The following LAMA1 variants were observed in gnomAD, a reference collection of about 807,000 sequenced individuals.
LAMA1 encodes laminin subunit alpha 1.
Under a neutral mutation model 348.7 loss-of-function variants are expected in LAMA1, and 219 were observed. That is an observed-to-expected ratio of 0.63 (90% confidence interval 0.56 to 0.70). The LOEUF (loss-of-function observed/expected upper bound fraction) is 0.70, where lower values mean the gene tolerates loss of function less well. Ranked by LOEUF, LAMA1 falls within the 30% of genes least tolerant of loss-of-function variation. The pLI is 0.00. For missense variants in LAMA1, 3,744 were observed against 3,888.0 expected, an observed-to-expected ratio of 0.96 and a Z score of 0.99; for synonymous variants, 1,487 against 1,491.0, an observed-to-expected ratio of 1.00 and a Z score of 0.06.
chr18:6,956,646 C>G lies in LAMA1; in HGVS notation c.8084G>C (p.Arg2695Pro), dbSNP rs558634642. The change falls in exon 56 of 63, where the codon CGG becomes CCG. Residue 2695 changes from arginine (R) to proline (P), a missense_variant. Around this residue, in one of 3 missense-constraint regions of LAMA1, gnomAD observed 1,983 missense variants for 1,934.3 expected, o/e 1.03. Transcript: ENST00000389658. ...AEDSKLLPEP[R>P]AFPEQCVVDA... ...GGAAGCCGCTCCTACTGGAAAAGCC[C>G]GGGGCTCTGGCAAGAGCTTGCTGTC... The G allele has an allele frequency of 3.1e-6, 5 of 1,614,088 alleles. No individual in the cohort carries two copies. The highest frequency in any genetic ancestry group is 4.2e-6 in the Non-Finnish European group (5 of 1,180,022).
chr18:6,957,942 G>A (rs1600348711), intron 55 of LAMA1, among the ~76,000 whole-genome samples: 1 of 151,990 alleles, frequency 6.6e-6, no homozygotes, highest in East Asian at 1.9e-4. Flanking sequence ...CACCACACCC[G>A]GCTAATTTTT....
At chr18:7,000,505 C>T (rs1326517380) in intron 30 of LAMA1, among the ~76,000 whole-genome samples, 1 of 152,156 alleles carries the variant, frequency 6.6e-6, no homozygotes, top group Non-Finnish European at 1.5e-5. Flanking sequence ...AACGGATGCA[C>T]CTAAAGGCAG....
At chr18:6,980,703 T>G in intron 41 of LAMA1, 66 bp from the exon 42 acceptor site, 1 of 850,916 alleles carries the variant, frequency 1.2e-6, no homozygotes, top group Admixed American at 1.8e-5. Context: ...AGGCAACAGC[T>G]TTATCATTCT....
At chr18:7,103,622 T>C (rs62083501) in intron 1 of LAMA1, among the ~76,000 whole-genome samples, 42,011 of 150,722 alleles carry the variant, frequency 0.28, 6,020 homozygotes, top group South Asian at 0.35. Flanking sequence ...CAGACCAGTC[T>C]GGCCAACATG....
Position 6,948,476 on chromosome 18 carries a change from G to A in LAMA1, c.8637C>T (p.Ala2879=). The change falls in exon 60 of 63, where the codon GCC becomes GCT. Residue 2879 remains alanine (A), a synonymous_variant. Coordinates refer to ENST00000389658, the MANE Select transcript of LAMA1 (RefSeq NM_005559.4). ...CTGCGTAGCACCTGTTCACCGTGAA[G>A]GCAGACACCGGGCTGTCCTTGTCCA... ...KQLDKDSPVS[A]FTVNRCYAVA... The A allele has an allele frequency of 6.2e-7, 1 of 1,614,184 alleles. No individual in the cohort carries two copies. The highest frequency in any genetic ancestry group is 8.5e-7 in the Non-Finnish European group (1 of 1,180,038).
intron 16 of LAMA1, among the ~76,000 whole-genome samples, chr18:7,029,632 TG>T (rs2057959465): frequency 6.6e-6 from 1 of 152,118 alleles, no homozygotes; most frequent in Non-Finnish European, 1.5e-5. Context: ...TTGGTGAATC[TG>T]GTATGTGAAG....
intron 1 of LAMA1, among the ~76,000 whole-genome samples, chr18:7,083,328 C>T (rs1345086293): frequency 6.6e-6 from 1 of 151,438 alleles, no homozygotes; most frequent in African/African-American, 2.4e-5. Context: ...TGGGATTACA[C>T]ATGCGCACCA....
intron 36 of LAMA1, among the ~76,000 whole-genome samples, chr18:6,988,434 C>G (rs898618596): frequency 1.3e-5 from 2 of 152,188 alleles, no homozygotes; most frequent in African/African-American, 4.8e-5. Context: ...GTACTAAAAG[C>G]TTTGAGAAGA....
chr18:6,950,313 T>C (rs1600341175), intron 58 of LAMA1, among the ~76,000 whole-genome samples: 2 of 152,374 alleles, frequency 1.3e-5, no homozygotes, highest in East Asian at 1.9e-4. Context: ...AAGTTGCCTA[T>C]GCAATAATTA....
At chr18:7,051,126 T>C (rs2058061051) in intron 3 of LAMA1, among the ~76,000 whole-genome samples, 190 bp from the exon 4 acceptor site, 1 of 152,172 alleles carries the variant, frequency 6.6e-6, no homozygotes, top group Non-Finnish European at 1.5e-5. Flanking sequence ...GCATACCAAG[T>C]TTCAGTTATG....
In LAMA1 at chr18:6,955,432, C is replaced by G. The variant is rs958888771; in HGVS notation, c.8128G>C (p.Val2710Leu). 1.2e-6 allele frequency: 2 copies of G among 1,614,110 alleles called. No homozygotes were observed. Among genetic ancestry groups the G allele is most frequent in the Admixed American group, 3.3e-5 (2 of 60,018 alleles). Reference sequence around the variant, plus strand: ...AGACCAAACTGGTGAGCGCCGGGAACGTACTCCAGAGCTGCATCCACCACA... The same window carrying G: ...AGACCAAACTGGTGAGCGCCGGGAAGGTACTCCAGAGCTGCATCCACCACA... ...QCVVDAALEY[V>L]PGAHQFGLTQ... is the part of the protein sequence containing the mutation. Residue 2710 changes from valine (V) to leucine (L), a missense_variant, in exon 57 of 63, where the codon GTT becomes CTT. This residue lies in a region of LAMA1 where 1,983 missense variants were observed against 1,934.3 expected (regional missense o/e 1.03). Coordinates refer to ENST00000389658, the MANE Select transcript of LAMA1 (RefSeq NM_005559.4).
intron 3 of LAMA1, among the ~76,000 whole-genome samples, chr18:7,060,835 G>A (rs1202499978): frequency 1.3e-5 from 2 of 152,170 alleles, no homozygotes; most frequent in African/African-American, 4.8e-5. Flanking sequence ...ATTTCCATTT[G>A]AGGGTGACTA....
chr18:7,044,604 T>C, intron 7 of LAMA1, 118 bp downstream of exon 7: 1 of 855,112 alleles, frequency 1.2e-6, no homozygotes, highest in Non-Finnish European at 2.0e-6. Flanking sequence ...CTTTGGAAAC[T>C]ACTTAAATTT....
chr18:7,075,372 C>T (rs927883401), intron 3 of LAMA1, among the ~76,000 whole-genome samples: 5 of 152,082 alleles, frequency 3.3e-5, no homozygotes, highest in African/African-American at 7.2e-5. Flanking sequence ...CCTGTGATCC[C>T]GGCATTTTGG....
Position 7,033,053 on chromosome 18 carries a change from G to A in LAMA1, c.2094C>T (p.Ile698=), listed in dbSNP as rs1268802250. 5 of 1,612,164 alleles carry A rather than the reference G, an allele frequency of 3.1e-6. No individual in the cohort carries two copies. Among genetic ancestry groups the A allele is most frequent in the East Asian group, 2.2e-5 (1 of 44,838 alleles). The stretch of plus-strand genomic sequence containing the variant: ...CCACATCAGCGGCCACCACCAGGTC[G>A]ATGGCATTAGAGCTGGCTATGTCCA... The part of the protein sequence containing the change: ...VSLDIASSNA[I]DLVVAADVEH... Residue 698 remains isoleucine, a synonymous_variant, in exon 15 of 63, where the codon ATC becomes ATT. Coordinates refer to ENST00000389658, the MANE Select transcript of LAMA1 (RefSeq NM_005559.4).
In LAMA1 at chr18:7,010,196, T is replaced by G. The variant is rs1166317198; in HGVS notation, c.3873+4A>C. 8.1e-6 allele frequency: 13 copies of G among 1,613,932 alleles called. No individual in the cohort carries two copies. In the Admixed American group the frequency reaches 2.2e-4, roughly 27 times the overall value. On this transcript the variant is annotated splice_donor_region_variant and intron_variant, in intron 26 of 62. Transcript: ENST00000389658. The stretch of plus-strand genomic sequence containing the variant: ...GAACTTCTATGAAAAGATCCCATTA[T>G]CACCTCTCTCATTGCTACTTCTTGT...
intron 1 of LAMA1, among the ~76,000 whole-genome samples, chr18:7,099,388 A>G (rs377537272): frequency 6.6e-6 from 1 of 151,864 alleles, no homozygotes; most frequent in Non-Finnish European, 1.5e-5. Flanking sequence ...ACTTGTTTAT[A>G]TGCTGACCTT....
chr18:6,949,409 G>T, intron 58 of LAMA1, 150 bp from the exon 59 acceptor site: 1 of 816,036 alleles, frequency 1.2e-6, no homozygotes, highest in South Asian at 1.5e-5. Context: ...TTAGACAGTT[G>T]GTGACGAAAA....
Position 7,049,132 on chromosome 18 carries a change from G to A in LAMA1, c.714C>T (p.Leu238=). The change falls in exon 5 of 63, where the codon CTC becomes CTT. Residue 238 remains leucine, a synonymous_variant. Transcript: ENST00000389658. ...TAGGTTCCCGGTGGCTAAGGGTCAT[G>A]AGATCTGCATTGAGCGTTCTAATGC... is the stretch of plus-strand genomic sequence containing the variant. ...LQRIRTLNAD[L]MTLSHREPKE... The A allele has an allele frequency of 6.2e-7, 1 of 1,614,146 alleles. No individual in the cohort carries two copies. The highest frequency in any genetic ancestry group is 8.5e-7 in the Non-Finnish European group (1 of 1,180,006).
Sources: gnomAD v4.1 joint callset for allele counts (sites outside exome capture counted in the v4.1 genomes callset) on GRCh38, gnomAD v4.1.1 for gene constraint, gnomAD v4.1.1 regional missense constraint, MANE v1.5 for transcripts, NCBI Gene and HGNC (gene_info 2026-07-23, HGNC 2026-07-21) for gene names.